EFCAB5: variants seen among roughly 807,000 people sequenced by gnomAD.
EFCAB5 encodes the protein EF-hand calcium binding domain 5, also known as EF-hand calcium-binding domain-containing protein 5.
EFCAB5 carries 131 observed loss-of-function variants against 167.9 expected under a neutral mutation model. That is an observed-to-expected ratio of 0.78 (90% CI 0.68 to 0.90). The LOEUF (loss-of-function observed/expected upper bound fraction) is 0.90, where lower values mean the gene tolerates loss of function less well. Among genes scored for constraint, EFCAB5 ranks in the 40% least tolerant of loss-of-function variants. The probability of loss-of-function intolerance (pLI) is 0.00; values close to 1 mark genes in which losing one functional copy is unlikely to be tolerated. For missense variants in EFCAB5, 1,663 were observed against 1,745.2 expected (o/e 0.95, Z 0.84); for synonymous variants, 574 against 602.8 (o/e 0.95, Z 0.70).
intron 4 of EFCAB5, among the ~76,000 whole-genome samples, chr17:29,972,285 G>A (rs1431559995): frequency 6.7e-6 from 1 of 148,758 alleles, no homozygotes; most frequent in East Asian, 2.0e-4. Context: ...TCCTGACCTC[G>A]TGATCCGCCC....
rs753903235 is a variant in EFCAB5 at position 30,057,829 on chromosome 17, C to T, written c.2519C>T (p.Thr840Ile). 5 of 1,613,810 alleles carry T rather than the reference C, an allele frequency of 3.1e-6. No individual in the cohort carries two copies. In the Admixed American group the frequency reaches 8.3e-5, roughly 27 times the overall value. The part of the protein sequence containing the change: ...DAPLSVSETL[T>I]SFFKEGYVET... ...CCCTTGAGTGTCAGCGAGACTCTCA[C>T]CTCCTTTTTTAAGGAGGGCTATGTT... Residue 840 changes from threonine to isoleucine, a missense_variant, in exon 13 of 23, where the codon ACC becomes ATC. Coordinates refer to ENST00000394835, the MANE Select transcript of EFCAB5 (RefSeq NM_198529.4).
chr17:30,021,405 T>G (rs1417415551), intron 7 of EFCAB5, among the ~76,000 whole-genome samples: 1 of 147,566 alleles, frequency 6.8e-6, no homozygotes, highest in East Asian at 1.9e-4. Context: ...TGAGCATGTA[T>G]TTGTGTGTTG....
At chr17:30,095,823 T>A (rs748686802) in intron 22 of EFCAB5, among the ~76,000 whole-genome samples, 8 of 152,230 alleles carry the variant, frequency 5.3e-5, no homozygotes, top group Non-Finnish European at 1.2e-4. Flanking sequence ...TAACATTGGT[T>A]TGGATTCAAT....
intron 7 of EFCAB5, among the ~76,000 whole-genome samples, chr17:30,000,414 T>C (rs2151653347): frequency 6.6e-6 from 1 of 152,330 alleles, no homozygotes; most frequent in African/African-American, 2.4e-5. Flanking sequence ...GTTTCACAAT[T>C]AGTAAAACTG....
intron 14 of EFCAB5, among the ~76,000 whole-genome samples, chr17:30,060,359 C>T (rs989966024): frequency 6.6e-6 from 1 of 152,074 alleles, no homozygotes; most frequent in African/African-American, 2.4e-5. Flanking sequence ...TCTTATTCTC[C>T]TTAGTGACTT....
chr17:29,936,493 G>T (rs1434145251), intron 1 of EFCAB5, among the ~76,000 whole-genome samples: 1 of 152,152 alleles, frequency 6.6e-6, no homozygotes, highest in Non-Finnish European at 1.5e-5. Context: ...AGACAAGAAG[G>T]AGCAAGTCTC....
intron 21 of EFCAB5, 64 bp from the exon 22 acceptor site, chr17:30,092,776 A>G (rs2151850294): frequency 9.0e-7 from 1 of 1,114,248 alleles, no homozygotes; most frequent in East Asian, 2.4e-5. Context: ...TAAGCTGTTG[A>G]ACTGGGCACT....
rs1363185698 is a variant in EFCAB5, at chr17:30,056,076, C to T, written c.2285C>T (p.Thr762Ile). 3.1e-6 allele frequency: 5 copies of T among 1,612,558 alleles called. No homozygotes were observed. The highest frequency in any genetic ancestry group is 3.4e-6 in the Non-Finnish European group (4 of 1,179,184). The change falls in exon 12 of 23, where the codon ACT (threonine) becomes ATT (isoleucine). Residue 762 changes from threonine to isoleucine, a missense_variant. By Grantham distance (89) the Thr-to-Ile change is moderately conservative. Coordinates refer to ENST00000394835, the MANE Select transcript of EFCAB5 (RefSeq NM_198529.4). ...EGKSWSGEFF[T>I]CNWKMKYVTF... ...TGTGTTTTTACAGGTGAATTTTTTACTTGTAACTGGAAAATGAAGTATGTC... is the reference window on the plus strand; with the variant it reads ...TGTGTTTTTACAGGTGAATTTTTTATTTGTAACTGGAAAATGAAGTATGTC...
chr17:30,065,757 A>C (rs1276964318), intron 14 of EFCAB5: 1 of 152,200 alleles, frequency 6.6e-6, no homozygotes, highest in Non-Finnish European at 1.5e-5. Context: ...CTGAAAGTGA[A>C]GGGATGGAAA....
intron 22 of EFCAB5, among the ~76,000 whole-genome samples, chr17:30,104,448 A>G (rs1167715740): frequency 6.6e-6 from 1 of 152,050 alleles, no homozygotes; most frequent in Non-Finnish European, 1.5e-5. Flanking sequence ...CAAAAATATC[A>G]TGTTTCTGAA....
chr17:30,030,566 C>A (rs1260585009), intron 7 of EFCAB5, among the ~76,000 whole-genome samples: 3 of 152,198 alleles, frequency 2.0e-5, no homozygotes, highest in Non-Finnish European at 4.4e-5. Context: ...TGGTCTTGAA[C>A]TCCTGACTTC....
intron 4 of EFCAB5, among the ~76,000 whole-genome samples, chr17:29,983,865 G>T (rs948368781): frequency 1.3e-5 from 2 of 152,144 alleles, no homozygotes; most frequent in African/African-American, 4.8e-5. Context: ...GGGAGGAAAT[G>T]ATGTCTGAGG....
intron 10 of EFCAB5, 100 bp from the exon 11 acceptor site, chr17:30,055,788 G>T: frequency 8.2e-7 from 1 of 1,222,368 alleles, no homozygotes; most frequent in Non-Finnish European, 1.1e-6. Flanking sequence ...AGAGTTTTTG[G>T]TGTTCTATAT....
rs1243444279 is a variant in EFCAB5 at position 30,034,307 on chromosome 17, T to C, written c.1122T>C (p.Asp374=). Reference sequence around the variant, plus strand: ...TTAAGCACCTTTGCCACTCTGCAGATGAATTTCGGGAGGTCATAAAAGCTG... The same window carrying C: ...TTAAGCACCTTTGCCACTCTGCAGACGAATTTCGGGAGGTCATAAAAGCTG... ...ELLKHLCHSA[D]EFREVIKADM... The change falls in exon 8 of 23, where the codon GAT becomes GAC. Residue 374 remains aspartate (D), a synonymous_variant. Coordinates refer to ENST00000394835, the MANE Select transcript of EFCAB5 (RefSeq NM_198529.4). 1 of 1,613,962 alleles carries C rather than the reference T, an allele frequency of 6.2e-7. No individual in the cohort carries two copies. Among genetic ancestry groups the C allele is most frequent in the Admixed American group, 1.7e-5 (1 of 60,018 alleles).
intron 22 of EFCAB5, among the ~76,000 whole-genome samples, chr17:30,093,453 A>AATTC (rs2071238395): frequency 6.6e-6 from 1 of 152,092 alleles, no homozygotes; most frequent in African/African-American, 2.4e-5. Context: ...TGTGATGAGG[A>AATTC]ATTCATTTAT....
intron 14 of EFCAB5, among the ~76,000 whole-genome samples, chr17:30,063,967 T>C (rs182161807): frequency 1.3e-5 from 2 of 152,262 alleles, no homozygotes; most frequent in Non-Finnish European, 2.9e-5. Context: ...CTGGAAACAA[T>C]GTCGCCATGT....
At chr17:30,055,078 G>A (rs191989962) in intron 10 of EFCAB5, among the ~76,000 whole-genome samples, 6 of 152,082 alleles carry the variant, frequency 3.9e-5, no homozygotes, top group Admixed American at 1.3e-4. Flanking sequence ...CGGGTGGATC[G>A]CTTGAGCCCA....
intron 3 of EFCAB5, among the ~76,000 whole-genome samples, chr17:29,957,742 G>A (rs1030346507): frequency 2.0e-5 from 3 of 151,986 alleles, no homozygotes; most frequent in African/African-American, 7.3e-5. Context: ...ATGAGTATTT[G>A]GGTTGATTCC....
rs149065093 is a variant in EFCAB5, at chr17:29,935,660, G to A, written c.-127+6331G>A. ...GTAGATACCTAAAAAAGTAAAAAGA[G>A]AAATCTGAGGTATCACAATGGTGAG... On this transcript the variant is annotated intron_variant, in intron 1 of 3. Coordinates refer to the EFCAB5 transcript ENST00000448319. Among the ~76,000 whole-genome samples the A allele has an allele frequency of 4.4e-3, 658 of 149,932 alleles. 1 individual carries two copies. The highest frequency in any genetic ancestry group is 5.5e-3 in the Non-Finnish European group (374 of 67,518).
Sources: allele counts gnomAD v4.1 joint callset (sites outside exome capture counted in the v4.1 genomes callset), GRCh38; gene constraint gnomAD v4.1.1; transcripts MANE v1.5; gene names NCBI Gene and HGNC (gene_info 2026-07-23, HGNC 2026-07-21).